SENP6: variants seen among roughly 807,000 people sequenced by gnomAD.
The protein encoded by SENP6 is SUMO specific peptidase 6.
In SENP6, 41 loss-of-function variants were observed where a neutral mutation model predicts 134.5. The observed-to-expected ratio is 0.30, with a 90% CI of 0.24 to 0.40. SENP6 has a LOEUF of 0.40. Ranked by LOEUF, SENP6 falls within the 10% of genes least tolerant of loss-of-function variation. The probability of loss-of-function intolerance (pLI) is 1.00; values close to 1 mark genes in which losing one functional copy is unlikely to be tolerated. For missense variants in SENP6, 1,248 were observed against 1,312.5 expected (o/e 0.95, Z 0.76); for synonymous variants, 395 against 429.8 (o/e 0.92, Z 1.00).
intron 16 of SENP6, among the ~76,000 whole-genome samples, chr6:75,689,513 G>T (rs1255369764): frequency 6.6e-6 from 1 of 152,116 alleles, no homozygotes; most frequent in Non-Finnish European, 1.5e-5. Flanking sequence ...CAGTGCGTAG[G>T]CTCCTCAAAA....
intron 17 of SENP6, among the ~76,000 whole-genome samples, 181 bp downstream of exon 17, chr6:75,696,104 T>C (rs781159844): frequency 2.3e-4 from 35 of 152,256 alleles, no homozygotes; most frequent in Non-Finnish European, 3.7e-4. Flanking sequence ...CATGGGTTCA[T>C]ATTCACCTTC....
intron 1 of SENP6, among the ~76,000 whole-genome samples, chr6:75,614,003 T>G (rs1767661084): frequency 1.3e-5 from 2 of 152,216 alleles, no homozygotes; most frequent in African/African-American, 4.8e-5. Context: ...TTCTTGACCT[T>G]GACATATTTT....
chr6:75,623,424 A>AT (rs1169880154), intron 2 of SENP6, among the ~76,000 whole-genome samples: 1 of 152,210 alleles, frequency 6.6e-6, no homozygotes, highest in Non-Finnish European at 1.5e-5. Flanking sequence ...TGGTAGAAGT[A>AT]TAACTATTTT....
At position 75,691,480 on chromosome 6, in the gene SENP6, T is replaced by C. The variant is rs944128746; in HGVS notation, c.2076-4324T>C. Among the ~76,000 whole-genome samples, 10 of 152,244 alleles carry C rather than the reference T, an allele frequency of 6.6e-5. 1 individual carries two copies. The stretch of plus-strand genomic sequence containing the variant: ...TTTTATGGAATAGCAACTAAACAGC[T>C]TCACCAGCATTCAATATTTAAATGA... On this transcript the variant is annotated intron_variant, in intron 16 of 23. Transcript: ENST00000447266.
chr6:75,709,869 A>G (rs181490203), intron 20 of SENP6, among the ~76,000 whole-genome samples: 67 of 152,326 alleles, frequency 4.4e-4, no homozygotes, highest in Non-Finnish European at 8.2e-4. Context: ...AATTTCTTCA[A>G]CTAGTAATTT....
intron 17 of SENP6, among the ~76,000 whole-genome samples, chr6:75,696,628 C>T (rs1226850612): frequency 6.6e-6 from 1 of 152,152 alleles, no homozygotes; most frequent in Non-Finnish European, 1.5e-5. Context: ...AGGCACACGC[C>T]ACTCCACCCA....
At chr6:75,679,610 T>G (rs1010618757) in intron 16 of SENP6, 2 of 152,334 alleles carry the variant, frequency 1.3e-5, no homozygotes, top group East Asian at 3.9e-4. Context: ...TTGGGAGATA[T>G]GAGGGACCAG....
chr6:75,619,192 T>C (rs1554158600), intron 1 of SENP6, among the ~76,000 whole-genome samples: 1 of 152,206 alleles, frequency 6.6e-6, no homozygotes, highest in Non-Finnish European at 1.5e-5. Flanking sequence ...TAAATCATCA[T>C]AAACAAGAAC....
At position 75,663,308 on chromosome 6, in the gene SENP6, G is replaced by A; in HGVS notation, c.784G>A (p.Gly262Arg). The change falls in exon 9 of 24, where the codon GGA becomes AGA. Residue 262 changes from glycine to arginine, a missense_variant. Gly to Arg is a moderately radical substitution (Grantham distance 125). Around this residue, in one of 3 missense-constraint regions of SENP6, gnomAD observed 733 missense variants for 725.4 expected, o/e 1.01. Transcript: ENST00000447266. ...LRTSIHQNSG[G>R]QKSQNTGLTT... ...AACGTCAATTCATCAGAATTCTGGAGGACAGAAGTCACAAAACACAGGATT... is the reference window on the plus strand; with the variant it reads ...AACGTCAATTCATCAGAATTCTGGAAGACAGAAGTCACAAAACACAGGATT... 1 of 1,613,606 alleles carries A rather than the reference G, an allele frequency of 6.2e-7. No homozygotes were observed. Among genetic ancestry groups the A allele is most frequent in the Non-Finnish European group, 8.5e-7 (1 of 1,179,740 alleles).
chr6:75,608,656 T>G (rs1738726192), intron 1 of SENP6, among the ~76,000 whole-genome samples: 1 of 150,400 alleles, frequency 6.6e-6, no homozygotes, highest in African/African-American at 2.5e-5. Context: ...TACTACTTGT[T>G]AGCTATGTGA....
intron 18 of SENP6, 121 bp from the exon 19 acceptor site, chr6:75,702,524 A>T: frequency 1.0e-6 from 1 of 967,168 alleles, no homozygotes; most frequent in Non-Finnish European, 1.5e-6. Flanking sequence ...GGCCAGAATT[A>T]GGCATTTTTA....
chr6:75,630,728 CTTCTT>C (rs1255082226), intron 3 of SENP6, among the ~76,000 whole-genome samples: 29 of 152,042 alleles, frequency 1.9e-4, no homozygotes, highest in Non-Finnish European at 3.5e-4. Context: ...TTTCACTGTG[CTTCTT>C]TTAAGGGATT....
At chr6:75,659,144 G>A in intron 7 of SENP6, 118 bp from the exon 8 acceptor site, 1 of 722,346 alleles carries the variant, frequency 1.4e-6, no homozygotes, top group Non-Finnish European at 2.2e-6. Context: ...AAATAAATAA[G>A]AGAAGAGTAA....
intron 9 of SENP6, among the ~76,000 whole-genome samples, chr6:75,666,254 A>G (rs1772232623): frequency 6.8e-6 from 1 of 147,440 alleles, no homozygotes; most frequent in Non-Finnish European, 1.5e-5. Flanking sequence ...AAATATATAT[A>G]CGATATATAT....
intron 5 of SENP6, among the ~76,000 whole-genome samples, chr6:75,638,773 G>A (rs1769800847): frequency 6.6e-6 from 1 of 150,804 alleles, no homozygotes; most frequent in African/African-American, 2.4e-5. Flanking sequence ...AAAAACAACA[G>A]AGGCCGGACA....
rs1385959366 is a variant in SENP6, at chr6:75,716,066, T to G, written c.*472T>G. 2 of 152,780 alleles carry G rather than the reference T, an allele frequency of 1.3e-5. No individual in the cohort carries two copies. Among genetic ancestry groups the G allele is most frequent in the African/African-American group, 2.4e-5 (1 of 41,458 alleles). The allele number at this position is 152,780 out of a possible 1,614,324, so 9.5% of individuals were successfully genotyped here. On this transcript the variant is annotated 3_prime_UTR_variant, in exon 24 of 24. Transcript: ENST00000447266. ...AAATAATATTAAATCTAAGATATTT[T>G]GAACTAAGCATCTTTATATGCTTGT...
intron 16 of SENP6, among the ~76,000 whole-genome samples, chr6:75,691,006 ATTT>A (rs35909209): frequency 1.5e-5 from 2 of 136,364 alleles, no homozygotes; most frequent in Non-Finnish European, 1.6e-5. Context: ...GCTCAGCCTA[ATTT>A]TTTTTTTTTT....
intron 1 of SENP6, among the ~76,000 whole-genome samples, chr6:75,614,263 T>G (rs1204161403): frequency 6.6e-6 from 1 of 150,860 alleles, no homozygotes; most frequent in Non-Finnish European, 1.5e-5. Context: ...TTACTATCTT[T>G]TTTTTTTTTT....
Position 75,715,531 on chromosome 6 carries a change from T to C in SENP6, c.3276T>C (p.Thr1092=), listed in dbSNP as rs770617459. ...QSKEKRKHKD[T]YSTEAPLGEG... is the part of the protein sequence containing the mutation. Reference sequence around the variant, plus strand: ...AAGAGAAAAGAAAGCATAAGGACACTTACTCAACAGAAGCACCTTTAGGCG... The same window carrying C: ...AAGAGAAAAGAAAGCATAAGGACACCTACTCAACAGAAGCACCTTTAGGCG... Residue 1092 remains threonine, a synonymous_variant, in exon 24 of 24, where the codon ACT becomes ACC. Transcript: ENST00000447266. The C allele has an allele frequency of 3.1e-6, 5 of 1,613,358 alleles. No homozygotes were observed. The South Asian group carries it at 5.5e-5, about 18-fold the overall frequency.
Sources: allele counts gnomAD v4.1 joint callset (sites outside exome capture counted in the v4.1 genomes callset), GRCh38; gene constraint gnomAD v4.1.1; regional missense constraint gnomAD v4.1.1; transcripts MANE v1.5; gene names NCBI Gene and HGNC (gene_info 2026-07-23, HGNC 2026-07-21).